ACCSL: variants seen among roughly 807,000 people sequenced by gnomAD.
ACCSL encodes the protein 1-aminocyclopropane-1-carboxylate synthase homolog (inactive) like.
In ACCSL, 55 loss-of-function variants were observed where a neutral mutation model predicts 61.7. The observed-to-expected ratio is 0.89, with a 90% confidence interval of 0.72 to 1.12. ACCSL has a LOEUF of 1.12. ACCSL is among the 50% of genes most tolerant of loss of function. The pLI, the probability that ACCSL is intolerant of heterozygous loss-of-function variation, is 0.00. For missense variants in ACCSL, 632 were observed against 698.0 expected (o/e 0.91, Z 1.07); for synonymous variants, 258 against 264.3 (o/e 0.98, Z 0.23).
chr11:44,013,493 A>G, the ACCSL span, among the ~76,000 whole-genome samples: 6 of 152,082 alleles, frequency 3.9e-5, no homozygotes, highest in African/African-American at 1.4e-4. Flanking sequence ...GGCGCTTGCC[A>G]TGTTGGCCAG....
At chr11:44,008,345 G>A in the ACCSL span, among the ~76,000 whole-genome samples, 2 of 152,218 alleles carry the variant, frequency 1.3e-5, no homozygotes, top group Non-Finnish European at 2.9e-5. Flanking sequence ...TCAGCTGTGG[G>A]CAGCGTGGTC....
At chr11:43,943,158 A>G in the ACCSL span, 2 of 1,501,888 alleles carry the variant, frequency 1.3e-6, no homozygotes, top group Non-Finnish European at 1.8e-6. The surrounding 1 kb of genome is among the most constrained non-coding windows in gnomAD (Gnocchi z 4.8). Flanking sequence ...TCGTTCCTGC[A>G]GAGCCTGGAG....
the ACCSL span, among the ~76,000 whole-genome samples, chr11:43,989,353 C>A: frequency 6.6e-6 from 1 of 152,216 alleles, no homozygotes; most frequent in Admixed American, 6.6e-5. Flanking sequence ...CAGTCGGAGC[C>A]CTCCACGGAT....
At chr11:43,982,038 C>T in the ACCSL span, among the ~76,000 whole-genome samples, 27 of 152,102 alleles carry the variant, frequency 1.8e-4, no homozygotes, top group African/African-American at 6.3e-4. Flanking sequence ...GGTGACAAAA[C>T]TCCCTGGAGC....
chr11:43,979,053 A>G, the ACCSL span, among the ~76,000 whole-genome samples: 1,356 of 152,268 alleles, frequency 8.9e-3, 8 homozygotes, highest in Middle Eastern at 0.02. Flanking sequence ...AAGGGGTCAG[A>G]GAGGTCCCTT....
the ACCSL span, chr11:43,933,088 AGTAG>A: frequency 2.2e-6 from 1 of 456,100 alleles, no homozygotes; most frequent in Non-Finnish European, 4.4e-6. Context: ...CTGTTTTTCC[AGTAG>A]GCAGAAGACT....
At chr11:44,023,703 G>A in the ACCSL span, among the ~76,000 whole-genome samples, 1 of 136,564 alleles carries the variant, frequency 7.3e-6, no homozygotes, top group Non-Finnish European at 1.6e-5. Flanking sequence ...GATGAAGTTT[G>A]GTTTTAATTT....
At chr11:43,976,520 C>T in the ACCSL span, among the ~76,000 whole-genome samples, 1 of 152,218 alleles carries the variant, frequency 6.6e-6, no homozygotes, top group Non-Finnish European at 1.5e-5. Context: ...AGTTCCCTGG[C>T]ATACACAATA....
intron 5 of ACCSL, among the ~76,000 whole-genome samples, chr11:44,051,968 G>T (rs918830166): frequency 5.9e-5 from 9 of 152,206 alleles, no homozygotes; most frequent in Admixed American, 1.3e-4. Flanking sequence ...GATGATGGGA[G>T]CCTACCTACT....
chr11:43,927,454 T>A, the ACCSL span, among the ~76,000 whole-genome samples: 1 of 152,236 alleles, frequency 6.6e-6, no homozygotes, highest in African/African-American at 2.4e-5. Flanking sequence ...AGGCACTGCA[T>A]TCATTGCTTT....
chr11:44,017,110 T>C, the ACCSL span, among the ~76,000 whole-genome samples: 3 of 152,114 alleles, frequency 2.0e-5, no homozygotes, highest in Non-Finnish European at 4.4e-5. Flanking sequence ...CAGGCACACA[T>C]ATGGAAGCAG....
the ACCSL span, among the ~76,000 whole-genome samples, chr11:44,026,974 C>T: frequency 4.6e-5 from 7 of 152,184 alleles, no homozygotes; most frequent in Non-Finnish European, 5.9e-5. Context: ...GTGATCCACC[C>T]GCCTTGGCCT....
At chr11:44,035,985 G>A in the ACCSL span, among the ~76,000 whole-genome samples, 1 of 148,268 alleles carries the variant, frequency 6.7e-6, no homozygotes, top group African/African-American at 2.5e-5. Context: ...AATAGTTGAA[G>A]TTCCGAGGGG....
upstream of ACCSL, among the ~76,000 whole-genome samples, chr11:44,043,360 G>A (rs1456148713): frequency 6.6e-6 from 1 of 152,116 alleles, no homozygotes; most frequent in Non-Finnish European, 1.5e-5. Flanking sequence ...ATCCTGTGAT[G>A]GTCACAAGAT....
chr11:44,058,806 CCT>C, intron 13 of ACCSL, 107 bp downstream of exon 13: 1 of 1,332,612 alleles, frequency 7.5e-7, no homozygotes, highest in Non-Finnish European at 1.0e-6. Flanking sequence ...CCCTTTATTC[CCT>C]GTTTCCATGT....
the ACCSL span, among the ~76,000 whole-genome samples, chr11:43,934,717 C>T: frequency 6.6e-6 from 1 of 152,176 alleles, no homozygotes; most frequent in Non-Finnish European, 1.5e-5. Context: ...CCTGACCTTC[C>T]TGCCTACCCC....
chr11:43,957,947 CTG>C, the ACCSL span, among the ~76,000 whole-genome samples: 2 of 152,214 alleles, frequency 1.3e-5, no homozygotes, highest in African/African-American at 2.4e-5. Context: ...AAAATCATAA[CTG>C]AGAAAATTAT....
At chr11:44,046,186 G>T (rs578050673), upstream of ACCSL, among the ~76,000 whole-genome samples, 1 of 152,350 alleles carries the variant, frequency 6.6e-6, no homozygotes, top group Non-Finnish European at 1.5e-5. Context: ...GCTTGTGGAA[G>T]AGACGGTTTC....
the ACCSL span, among the ~76,000 whole-genome samples, chr11:43,941,238 C>T: frequency 2.6e-5 from 4 of 152,152 alleles, no homozygotes; most frequent in Admixed American, 6.6e-5. Context: ...CCCAGCTCAT[C>T]GCCCTACTTT....
Sources: gnomAD v4.1 joint callset for allele counts (sites outside exome capture counted in the v4.1 genomes callset) on GRCh38, gnomAD v4.1.1 for gene constraint, Gnocchi (gnomAD v3.1) non-coding constraint, MANE v1.5 for transcripts, NCBI Gene and HGNC (gene_info 2026-07-23, HGNC 2026-07-21) for gene names.